OTOF: variants seen among roughly 807,000 people sequenced by gnomAD.
OTOF encodes the protein fer-1-like family member 2.
A neutral mutation model predicts 236.8 loss-of-function variants in OTOF; 218 were observed. The ratio of observed to expected loss-of-function variants is 0.92; its 90% confidence interval spans 0.82 to 1.03. The LOEUF (loss-of-function observed/expected upper bound fraction) is 1.03. Ranked by LOEUF, OTOF falls within the 50% of genes least tolerant of loss-of-function variation. OTOF has a pLI of 0.00. For missense variants in OTOF, 2,590 were observed against 2,694.4 expected, an observed-to-expected ratio of 0.96 and a Z score of 0.86; for synonymous variants, 1,041 against 1,072.5, an observed-to-expected ratio of 0.97 and a Z score of 0.57.
chr2:26,470,736 G>T lies in OTOF; in HGVS notation c.3895-15C>A. On this transcript the variant is annotated splice_polypyrimidine_tract_variant and intron_variant, in intron 31 of 46. Transcript: ENST00000272371. This position sits in a 1 kb window ranked among gnomAD's most constrained non-coding sequence, Gnocchi z 4.3. The stretch of plus-strand genomic sequence containing the variant: ...TCCTCCTCAGCCTGCAGGTTGGCCA[G>T]GTCCAGAGTCCTACATGGACTCCTC... 6.2e-7 allele frequency: 1 copy of T among 1,611,592 alleles called. No individual in the cohort carries two copies. The highest frequency in any genetic ancestry group is 2.2e-5 in the East Asian group (1 of 44,866).
intron 36 of OTOF, 163 bp from the exon 37 acceptor site, chr2:26,466,239 C>A: frequency 1.3e-6 from 1 of 779,712 alleles, no homozygotes. Context: ...GGCTACCCCT[C>A]TCTGGGCGTT....
chr2:26,547,530 G>A (rs565597192), intron 1 of OTOF, among the ~76,000 whole-genome samples: 11 of 152,108 alleles, frequency 7.2e-5, no homozygotes, highest in Non-Finnish European at 1.2e-4. Flanking sequence ...TTGTTATTAC[G>A]TTTTCCTTTC....
intron 8 of OTOF, among the ~76,000 whole-genome samples, chr2:26,498,767 T>A (rs1666048979): frequency 6.6e-6 from 1 of 152,216 alleles, no homozygotes; most frequent in Non-Finnish European, 1.5e-5. Context: ...AGGGACCTGA[T>A]CCAGCTTCAG....
intron 2 of OTOF, among the ~76,000 whole-genome samples, chr2:26,531,938 C>G (rs943144285): frequency 6.6e-6 from 1 of 151,764 alleles, no homozygotes; most frequent in East Asian, 1.9e-4. Flanking sequence ...TACTAAAATA[C>G]AAAAATTAGC....
chr2:26,502,231 A>G (rs1338330578), intron 7 of OTOF, 69 bp downstream of exon 7: 20 of 1,579,796 alleles, frequency 1.3e-5, no homozygotes, highest in African/African-American at 2.7e-5. Context: ...CCAAATTCCA[A>G]TCATGGCAAG....
At position 26,477,931 on chromosome 2, in the gene OTOF, C is replaced by G. The variant is rs777724359; in HGVS notation, c.2215-182G>C. On this transcript the variant is annotated intron_variant, in intron 18 of 46. Transcript: ENST00000272371. This position sits in a 1 kb window ranked among gnomAD's most constrained non-coding sequence, Gnocchi z 4.7. ...AATTTCCCAGGTTCTGTTCTCAGAA[C>G]CTGGAGATGTTGGTGTTCATGGGGG... 6.3e-5 allele frequency: 93 copies of G among 1,478,412 alleles called. 1 individual carries two copies. In the South Asian group the frequency reaches 9.7e-4, roughly 15 times the overall value. The allele number at this position is 1,478,412 out of a possible 1,614,324, so 91.6% of individuals were successfully genotyped here. A position where few individuals can be genotyped will look rare whatever the true frequency, so the allele number is the denominator to read the frequency against.
In OTOF at chr2:26,495,074, C is replaced by G; in HGVS notation, c.766-1G>C. On this transcript the variant is annotated splice_acceptor_variant, in intron 8 of 46. Coordinates refer to ENST00000272371, the MANE Select transcript of OTOF (RefSeq NM_194248.3). LOFTEE classifies it high-confidence loss of function. ...GGGCCTCGATCACCGTGATGCTGAC[C>G]TGCAGGCAGGAGAAGGGGGAGCCAG... The G allele has an allele frequency of 6.2e-7, 1 of 1,614,138 alleles. No homozygotes were observed. Among genetic ancestry groups the G allele is most frequent in the Non-Finnish European group, 8.5e-7 (1 of 1,180,022 alleles).
At chr2:26,540,688 CAG>C (rs1029355997) in intron 1 of OTOF, among the ~76,000 whole-genome samples, 2 of 150,992 alleles carry the variant, frequency 1.3e-5, no homozygotes, top group South Asian at 2.1e-4. Context: ...TCCACTGAAA[CAG>C]AGAGTGTGGA....
intron 11 of OTOF, among the ~76,000 whole-genome samples, chr2:26,487,343 C>G (rs1360209485): frequency 6.6e-6 from 1 of 152,192 alleles, no homozygotes; most frequent in African/African-American, 2.4e-5. Flanking sequence ...GCTCTCCTGT[C>G]CCTGGGAGGG....
At chr2:26,514,884 C>A (rs567749052) in intron 5 of OTOF, among the ~76,000 whole-genome samples, 1 of 152,340 alleles carries the variant, frequency 6.6e-6, no homozygotes, top group East Asian at 1.9e-4. Flanking sequence ...ACCAGCCCTG[C>A]CAACCTCTTT....
chr2:26,492,185 G>T (rs900150098), intron 9 of OTOF, among the ~76,000 whole-genome samples: 1 of 152,176 alleles, frequency 6.6e-6, no homozygotes, highest in Non-Finnish European at 1.5e-5. Flanking sequence ...CTCAACTGAG[G>T]GCGATTTCAG....
Position 26,464,903 on chromosome 2 carries a change from GACGCGGTTGGCCA to G in OTOF, c.4913_4925del (p.Val1638AlafsTer27), listed in dbSNP as rs1278581582. ...CCTCAATCTCAGAGGGCCCAGTGAA[GACGCGGTTGGCCA>G]CCTTCACTCTCCCAGGGGGCCCAAA... On this transcript the variant is annotated frameshift_variant, in exon 39 of 47. Transcript: ENST00000272371. LOFTEE classifies it high-confidence loss of function. 1 of 1,599,264 alleles carries G rather than the reference GACGCGGTTGGCCA, an allele frequency of 6.3e-7. No homozygotes were observed. Among genetic ancestry groups the G allele is most frequent in the Non-Finnish European group, 8.5e-7 (1 of 1,172,616 alleles).
chr2:26,471,029 G>T, intron 31 of OTOF, 92 bp downstream of exon 31: 2 of 1,496,498 alleles, frequency 1.3e-6, no homozygotes, highest in Non-Finnish European at 1.9e-6. Context: ...GCTGGGGCTG[G>T]CTCTGTCCCT....
chr2:26,528,091 A>C (rs1363339650), intron 2 of OTOF, among the ~76,000 whole-genome samples, 171 bp from the exon 3 acceptor site: 1 of 152,168 alleles, frequency 6.6e-6, no homozygotes, highest in Non-Finnish European at 1.5e-5. Flanking sequence ...TAGTTCCAAC[A>C]ACCACCTTGT....
At chr2:26,540,153 G>A (rs1026886959) in intron 1 of OTOF, among the ~76,000 whole-genome samples, 4 of 152,160 alleles carry the variant, frequency 2.6e-5, no homozygotes, top group African/African-American at 7.2e-5. Context: ...GGCTGGTCTC[G>A]AATTCCTGGC....
At chr2:26,468,037 TC>T (rs1186199594) in intron 33 of OTOF, among the ~76,000 whole-genome samples, 7 of 152,250 alleles carry the variant, frequency 4.6e-5, no homozygotes, top group African/African-American at 1.7e-4. Context: ...GCTGTTTCAA[TC>T]AGCTTTTCCT....
At position 26,470,732 on chromosome 2, in the gene OTOF, G is replaced by T; in HGVS notation, c.3895-11C>A. 1 of 1,611,614 alleles carries T rather than the reference G, an allele frequency of 6.2e-7. No homozygotes were observed. Among genetic ancestry groups the T allele is most frequent in the Non-Finnish European group, 8.5e-7 (1 of 1,179,780 alleles). On this transcript the variant is annotated splice_polypyrimidine_tract_variant and intron_variant, in intron 31 of 46. Transcript: ENST00000272371. This position sits in a 1 kb window ranked among gnomAD's most constrained non-coding sequence, Gnocchi z 4.3. ...CTTCTCCTCCTCAGCCTGCAGGTTG[G>T]CCAGGTCCAGAGTCCTACATGGACT...
Position 26,467,488 on chromosome 2 carries a change from T to A in OTOF, c.4104A>T (p.Ser1368=), listed in dbSNP as rs1474964366. 6.2e-7 allele frequency: 1 copy of A among 1,613,986 alleles called. No homozygotes were observed. ...CCCTTGCCTTCTCCTTGCCCTTCAT[T>A]GACCCCTTCAGGCCTGGCCAGAAGC... The part of the protein sequence containing the change: ...EVDNTEGLKG[S]MKGKEKARAA... Residue 1368 remains serine (S), a synonymous_variant, in exon 34 of 47, where the codon TCA becomes TCT. Transcript: ENST00000272371.
intron 29 of OTOF, 121 bp from the exon 30 acceptor site, chr2:26,472,770 G>T: frequency 9.8e-7 from 1 of 1,019,542 alleles, no homozygotes; most frequent in African/African-American, 1.6e-5. Flanking sequence ...GGGAGAGGGG[G>T]ACAGGCAGTC....
Sources: gnomAD v4.1 joint callset for allele counts (sites outside exome capture counted in the v4.1 genomes callset) on GRCh38, gnomAD v4.1.1 for gene constraint, Gnocchi (gnomAD v3.1) non-coding constraint, MANE v1.5 for transcripts, NCBI Gene and HGNC (gene_info 2026-07-23, HGNC 2026-07-21) for gene names.